The following FYN variants were observed in gnomAD, a reference collection of about 807,000 sequenced individuals.
The protein encoded by FYN is FYN proto-oncogene, Src family tyrosine kinase, also known as tyrosine-protein kinase Fyn.
Under a neutral mutation model 70.2 loss-of-function variants are expected in FYN, and 10 were observed. That is an observed-to-expected ratio of 0.14 (90% confidence interval 0.09 to 0.24). The LOEUF (loss-of-function observed/expected upper bound fraction) is 0.24. Among genes scored for constraint, FYN ranks in the 10% least tolerant of loss-of-function variants. The probability of loss-of-function intolerance (pLI) is 1.00; values close to 1 mark genes in which losing one functional copy is unlikely to be tolerated. For synonymous variants in FYN, 236 were observed against 248.6 expected, an observed-to-expected ratio of 0.95 and a Z score of 0.48; for missense variants, 319 against 673.1, an observed-to-expected ratio of 0.47 and a Z score of 5.82.
chr6:111,702,755 C>T (rs1799899733), intron 8 of FYN, 130 bp downstream of exon 8: 1 of 831,754 alleles, frequency 1.2e-6, no homozygotes, highest in African/African-American at 1.8e-5. Context: ...CCATTAAGGG[C>T]TGGCAAAGAA....
At chr6:111,699,912 T>G in intron 9 of FYN, 192 bp downstream of exon 9, 1 of 542,144 alleles carries the variant, frequency 1.8e-6, no homozygotes, top group Non-Finnish European at 2.9e-6. Flanking sequence ...CCACTTACTA[T>G]CTTTTTTTTT....
At chr6:111,798,944 C>T (rs1771901034) in intron 2 of FYN, among the ~76,000 whole-genome samples, 2 of 152,104 alleles carry the variant, frequency 1.3e-5, no homozygotes, top group Non-Finnish European at 2.9e-5. Flanking sequence ...ATTTTTCTTC[C>T]TCAGAATATC....
intron 3 of FYN, among the ~76,000 whole-genome samples, chr6:111,764,091 G>A (rs1242753799): frequency 6.6e-6 from 1 of 151,710 alleles, no homozygotes; most frequent in Non-Finnish European, 1.5e-5. Context: ...ATCACTGTTG[G>A]AGCTGGGTGA....
At chr6:111,731,816 C>T (rs1161194581) in intron 3 of FYN, among the ~76,000 whole-genome samples, 1 of 152,196 alleles carries the variant, frequency 6.6e-6, no homozygotes, top group Non-Finnish European at 1.5e-5. Flanking sequence ...AGGATGGTCT[C>T]TGCCTTCCCT....
chr6:111,752,736 C>T (rs1157102562), intron 3 of FYN, among the ~76,000 whole-genome samples: 1 of 152,160 alleles, frequency 6.6e-6, no homozygotes. Context: ...CTGAAGAGTT[C>T]TAAGCAAGAA....
At chr6:111,806,804 C>T (rs542529148) in intron 2 of FYN, among the ~76,000 whole-genome samples, 2 of 152,212 alleles carry the variant, frequency 1.3e-5, no homozygotes, top group East Asian at 3.9e-4. Context: ...CTAACTATGC[C>T]GAGACTAGGG....
At chr6:111,748,664 G>C (rs1802345936) in intron 3 of FYN, among the ~76,000 whole-genome samples, 1 of 152,118 alleles carries the variant, frequency 6.6e-6, no homozygotes, top group Non-Finnish European at 1.5e-5. Context: ...GAGATGTAAT[G>C]TAAGTATAAA....
intron 2 of FYN, among the ~76,000 whole-genome samples, chr6:111,797,151 A>T (rs1771829339): frequency 6.6e-6 from 1 of 152,224 alleles, no homozygotes; most frequent in African/African-American, 2.4e-5. Flanking sequence ...ATCATGCTGC[A>T]TGTTATCAGG....
rs1351759840 is a variant in FYN at position 111,703,980 on chromosome 6, C to T, written c.547+19G>A. ...ACAGATTTGAATGACAAGCCAACTT[C>T]TTCAACTCGTTATCTTACCTTTGGT... On this transcript the variant is annotated intron_variant, in intron 7 of 13. Coordinates refer to ENST00000354650, the MANE Select transcript of FYN (RefSeq NM_002037.5). 1.4e-5 allele frequency: 22 copies of T among 1,591,196 alleles called. No homozygotes were observed. The highest frequency in any genetic ancestry group is 1.9e-5 in the Non-Finnish European group (22 of 1,159,468).
intron 2 of FYN, among the ~76,000 whole-genome samples, chr6:111,789,068 G>T (rs1342197079): frequency 6.6e-6 from 1 of 152,118 alleles, no homozygotes; most frequent in Admixed American, 6.5e-5. Context: ...GAGGAGAGAT[G>T]AATAGAAAAA....
chr6:111,735,235 A>G (rs1402763975), intron 3 of FYN, among the ~76,000 whole-genome samples: 1 of 152,224 alleles, frequency 6.6e-6, no homozygotes, highest in Non-Finnish European at 1.5e-5. Context: ...GCTAAGGCTG[A>G]AGAAGACAGG....
intron 1 of FYN, among the ~76,000 whole-genome samples, chr6:111,870,997 T>C (rs931548186): frequency 1.3e-5 from 2 of 152,178 alleles, no homozygotes; most frequent in Non-Finnish European, 2.9e-5. Flanking sequence ...TCTTAAAAAG[T>C]GTGTAAGTAA....
chr6:111,722,173 C>A (rs1404416158), intron 3 of FYN, among the ~76,000 whole-genome samples: 6 of 152,128 alleles, frequency 3.9e-5, no homozygotes, highest in Non-Finnish European at 4.4e-5. Context: ...TCAATAAATA[C>A]TTATTGAATT....
intron 3 of FYN, among the ~76,000 whole-genome samples, chr6:111,760,293 G>A (rs538073579): frequency 8.5e-5 from 13 of 152,234 alleles, no homozygotes; most frequent in Admixed American, 3.3e-4. Flanking sequence ...AACCCGCACT[G>A]CTTGGAGGAG....
intron 1 of FYN, chr6:111,858,458 CT>C (rs1773880325): frequency 6.6e-6 from 1 of 152,190 alleles, no homozygotes; most frequent in Non-Finnish European, 1.5e-5. Flanking sequence ...GGAAGTGATC[CT>C]GTAGCCTCCC....
chr6:111,836,899 C>A (rs902654622), intron 2 of FYN, among the ~76,000 whole-genome samples: 5 of 152,104 alleles, frequency 3.3e-5, no homozygotes, highest in Non-Finnish European at 7.4e-5. Context: ...AACACAAAAG[C>A]CTAATTATAT....
intron 3 of FYN, among the ~76,000 whole-genome samples, chr6:111,773,597 A>AGGGAGAGAGGGGGG (rs1803575061): frequency 1.5e-5 from 1 of 64,798 alleles, no homozygotes; most frequent in African/African-American, 7.2e-5. Flanking sequence ...GGAAAGGGAA[A>AGGGAGAGAGGGGGG]GGGAGAGAGG....
At chr6:111,789,173 T>C (rs9387037) in intron 2 of FYN, among the ~76,000 whole-genome samples, 5,068 of 152,242 alleles carry the variant, frequency 0.033, 134 homozygotes, top group East Asian at 0.14. Context: ...TCCCTTCTCA[T>C]TGGCTATTGC....
At chr6:111,808,201 A>C (rs893691347) in intron 2 of FYN, among the ~76,000 whole-genome samples, 7 of 152,218 alleles carry the variant, frequency 4.6e-5, no homozygotes, top group African/African-American at 1.7e-4. Flanking sequence ...AAGGCACTGA[A>C]GCAGCAAATC....
Sources: gnomAD v4.1 joint callset for allele counts (sites outside exome capture counted in the v4.1 genomes callset) on GRCh38, gnomAD v4.1.1 for gene constraint, MANE v1.5 for transcripts, NCBI Gene and HGNC (gene_info 2026-07-23, HGNC 2026-07-21) for gene names.